Variants in TP53I13 observed in about 807,000 individuals in gnomAD.
The protein encoded by TP53I13 is tumor protein p53 inducible protein 13, also known as tumor protein p53-inducible protein 13.
Under a neutral mutation model 39.1 loss-of-function variants are expected in TP53I13, and 27 were observed. The ratio of observed to expected loss-of-function variants is 0.69; its 90% CI spans 0.51 to 0.95. The LOEUF is 0.95. Ranked by LOEUF, TP53I13 falls within the 40% of genes least tolerant of loss-of-function variation. The pLI, the probability that TP53I13 is intolerant of heterozygous loss-of-function variation, is 0.00. For missense variants in TP53I13, 544 were observed against 520.4 expected (o/e 1.05, Z -0.44); for synonymous variants, 230 against 224.6 (o/e 1.02, Z -0.22).
At chr17:29,575,184 G>A (rs552780242), downstream of TP53I13, 12 of 1,568,294 alleles carry the variant, frequency 7.7e-6, no homozygotes, top group Admixed American at 8.9e-5. This position sits in a 1 kb window ranked among gnomAD's most constrained non-coding sequence, Gnocchi z 5.5. Flanking sequence ...GGCTCTCAAG[G>A]GAGGTTCCCA....
At chr17:29,573,559 C>T (rs1400729013), downstream of TP53I13, 1 of 152,560 alleles carries the variant, frequency 6.6e-6, no homozygotes, top group African/African-American at 2.4e-5. Context: ...GGGCCTGGCC[C>T]CCAGGGAAGA....
chr17:29,572,407 G>A lies in TP53I13; in HGVS notation c.779G>A (p.Gly260Glu), dbSNP rs751635455. The A allele has an allele frequency of 2.5e-6, 4 of 1,592,904 alleles. No individual in the cohort carries two copies. The highest frequency in any genetic ancestry group is 1.7e-5 in the Admixed American group (1 of 59,144). The change falls in exon 6 of 7, where the codon GGA (glycine) becomes GAA (glutamate). Residue 260 changes from glycine to glutamate, a missense_variant. Physicochemically the swap from Gly to Glu is moderately conservative, Grantham distance 98. Coordinates refer to ENST00000301057, the MANE Select transcript of TP53I13 (RefSeq NM_138349.4). ...GTCTCCCTGCTGCCGGGGGCGCCTGGAGGCAATGCCAGCTCCAGGACAGAG... is the reference window on the plus strand; with the variant it reads ...GTCTCCCTGCTGCCGGGGGCGCCTGAAGGCAATGCCAGCTCCAGGACAGAG... ...PTVSLLPGAP[G>E]GNASSRTEAQ...
At chr17:29,581,320 CAT>C in the TP53I13 span, 7 of 1,596,522 alleles carry the variant, frequency 4.4e-6, no homozygotes, top group Non-Finnish European at 6.0e-6. This position sits in a 1 kb window ranked among gnomAD's most constrained non-coding sequence, Gnocchi z 4.8. Flanking sequence ...TGGAAAGGGG[CAT>C]CAGGTGGGCA....
intron 6 of TP53I13, 24 bp from the exon 7 acceptor site, chr17:29,572,788 G>A (rs912427111): frequency 1.6e-6 from 2 of 1,230,344 alleles, no homozygotes; most frequent in Admixed American, 4.1e-5. Context: ...TCCCGCCCTT[G>A]ACTGCTCGGC....
Position 29,572,866 on chromosome 17 carries a change from G to A in TP53I13, c.1124G>A (p.Arg375Gln), listed in dbSNP as rs767105507. ...TCGCGCCGGGTCAAGCGCTCGCGCC[G>A]GAGACCCCTCCTCCCGCCCACGCCG... The part of the protein sequence containing the change: ...QPSRRVKRSR[R>Q]RPLLPPTPDS... The change falls in exon 7 of 7, where the codon CGG becomes CAG. Residue 375 changes from arginine to glutamine, a missense_variant. Transcript: ENST00000301057. 3.3e-6 allele frequency: 5 copies of A among 1,522,104 alleles called. No individual in the cohort carries two copies. The highest frequency in any genetic ancestry group is 1.2e-5 in the South Asian group (1 of 82,490). 94.3% of individuals were successfully genotyped at this position (1,522,104 alleles called of 1,614,324 possible). A position where few individuals can be genotyped will look rare whatever the true frequency, so the allele number is the denominator to read the frequency against.
downstream of TP53I13, among the ~76,000 whole-genome samples, chr17:29,578,118 C>T (rs373827507): frequency 5.5e-4 from 84 of 152,286 alleles, no homozygotes; most frequent in African/African-American, 1.9e-3. Context: ...GCCGCCTCCC[C>T]CTCAGCACTC....
At chr17:29,575,545 C>G (rs1046118644), downstream of TP53I13, 82 of 1,563,384 alleles carry the variant, frequency 5.2e-5, no homozygotes, top group Non-Finnish European at 6.6e-5. This position sits in a 1 kb window ranked among gnomAD's most constrained non-coding sequence, Gnocchi z 5.5. Flanking sequence ...GAGCCGCCCG[C>G]CTTGGTCCTC....
downstream of TP53I13, chr17:29,576,276 A>C: frequency 1.2e-6 from 2 of 1,611,544 alleles, no homozygotes; most frequent in Non-Finnish European, 1.7e-6. Context: ...GGGCCCCCAA[A>C]GGGCTTCAGG....
downstream of TP53I13, chr17:29,573,591 G>C (rs2033066921): frequency 6.6e-6 from 1 of 152,634 alleles, no homozygotes; most frequent in Non-Finnish European, 1.5e-5. Flanking sequence ...GAGAGAGCTG[G>C]TGGGTCCCAC....
At chr17:29,581,890 C>A in the TP53I13 span, 2 of 1,602,464 alleles carry the variant, frequency 1.2e-6, no homozygotes, top group Non-Finnish European at 1.7e-6. This position sits in a 1 kb window ranked among gnomAD's most constrained non-coding sequence, Gnocchi z 4.8. Context: ...ACCCACACCC[C>A]CACCCACCCA....
the TP53I13 span, chr17:29,578,398 T>C: frequency 3.1e-6 from 5 of 1,608,282 alleles, no homozygotes; most frequent in Non-Finnish European, 4.3e-6. Context: ...GCCCAGATGT[T>C]GTCAGATGCA....
At chr17:29,566,913 G>A (rs1008007384), upstream of TP53I13, 132 of 1,487,672 alleles carry the variant, frequency 8.9e-5, 1 homozygote, top group Middle Eastern at 1.9e-3. Flanking sequence ...CGAGCAGGCC[G>A]AGAAGGGCGA....
chr17:29,572,502 C>T lies in TP53I13; in HGVS notation c.874C>T (p.Arg292Cys), dbSNP rs756512585. 6.2e-7 allele frequency: 1 copy of T among 1,604,388 alleles called. No individual in the cohort carries two copies. The highest frequency in any genetic ancestry group is 8.5e-7 in the Non-Finnish European group (1 of 1,175,642). Residue 292 changes from arginine to cysteine, a missense_variant, in exon 6 of 7, where the codon CGC becomes TGC. Physicochemically the swap from Arg to Cys is radical, Grantham distance 180. Transcript: ENST00000301057. ...VCSSQASPAP[R>C]AAAPPRAARG... ...TTCAAGTCAGGCTTCCCCGGCCCCT[C>T]GCGCAGCAGCGCCTCCACGGGCAGC...
At chr17:29,581,922 C>CT in the TP53I13 span, 81 of 1,612,648 alleles carry the variant, frequency 5.0e-5, no homozygotes, top group East Asian at 1.8e-3. This position sits in a 1 kb window ranked among gnomAD's most constrained non-coding sequence, Gnocchi z 4.8. Flanking sequence ...TCAGCCGACC[C>CT]TCACCTGGCA....
rs367579645 is a variant in TP53I13, at chr17:29,571,847, C to T, written c.313-10C>T. 2.5e-5 allele frequency: 40 copies of T among 1,613,132 alleles called. No homozygotes were observed. Among genetic ancestry groups the T allele is most frequent in the Non-Finnish European group, 3.1e-5 (37 of 1,179,918 alleles). ...TTCCTCGTAGCTCTAACAGTTACCTCCTCTCGTAGCCCCTGGTGCTGACTG... is the reference window on the plus strand; with the variant it reads ...TTCCTCGTAGCTCTAACAGTTACCTTCTCTCGTAGCCCCTGGTGCTGACTG... On this transcript the variant is annotated splice_polypyrimidine_tract_variant and intron_variant, in intron 4 of 6. Transcript: ENST00000301057.
chr17:29,576,366 C>G (rs1415390794), downstream of TP53I13: 1 of 1,613,362 alleles, frequency 6.2e-7, no homozygotes, highest in Non-Finnish European at 8.5e-7. Context: ...GGTGTGTGTT[C>G]CGCCCGTTCA....
chr17:29,577,099 C>T (rs780927008), downstream of TP53I13: 25 of 1,607,304 alleles, frequency 1.6e-5, no homozygotes, highest in African/African-American at 1.1e-4. Flanking sequence ...CCTGGAGCCC[C>T]GCCTGCTTCC....
Position 29,572,007 on chromosome 17 carries a change from T to A in TP53I13, c.463T>A (p.Ser155Thr). The A allele has an allele frequency of 6.2e-7, 1 of 1,613,146 alleles. No individual in the cohort carries two copies. Among genetic ancestry groups the A allele is most frequent in the African/African-American group, 1.3e-5 (1 of 75,028 alleles). Residue 155 changes from serine to threonine, a missense_variant, in exon 5 of 7, where the codon TCC (serine) becomes ACC (threonine). By Grantham distance (58) the Ser-to-Thr change is moderately conservative. Coordinates refer to ENST00000301057, the MANE Select transcript of TP53I13 (RefSeq NM_138349.4). ...TGAAAGCCTTTCAGGGCCTGCTCCC[T>A]CCGAGCCAACTCCCGGTAGAGGGAG... ...YCESLSGPAPSEPTPGRGRLC... is the reference protein window; with the variant it reads ...YCESLSGPAPTEPTPGRGRLC...
At chr17:29,580,849 C>T in the TP53I13 span, among the ~76,000 whole-genome samples, 54 of 151,582 alleles carry the variant, frequency 3.6e-4, 1 homozygote, top group East Asian at 8.7e-3. Flanking sequence ...GGCGTGCTCT[C>T]GGCTCACCGC....
Sources: gnomAD v4.1 joint callset for allele counts (sites outside exome capture counted in the v4.1 genomes callset) on GRCh38, gnomAD v4.1.1 for gene constraint, Gnocchi (gnomAD v3.1) non-coding constraint, MANE v1.5 for transcripts, NCBI Gene and HGNC (gene_info 2026-07-23, HGNC 2026-07-21) for gene names.